The following BTBD18 variants were observed in gnomAD, a reference collection of about 807,000 sequenced individuals.
BTBD18 encodes BTB/POZ domain-containing protein 18.
For synonymous variants in BTBD18, 311 were observed against 324.4 expected (o/e 0.96, Z 0.44); for missense variants, 787 against 846.3 (o/e 0.93, Z 0.87).
At chr11:57,746,226 A>C in intron 2 of BTBD18, 78 bp from the exon 3 acceptor site, 3 of 1,098,056 alleles carry the variant, frequency 2.7e-6, no homozygotes, top group Non-Finnish European at 3.9e-6. Flanking sequence ...TACTACCCAA[A>C]TGTACTGCCC....
Position 57,745,406 on chromosome 11 carries a change from C to T in BTBD18, c.867G>A (p.Val289=). The T allele has an allele frequency of 6.4e-7, 1 of 1,551,706 alleles. No individual in the cohort carries two copies. The highest frequency in any genetic ancestry group is 1.2e-5 in the South Asian group (1 of 84,056). ...AAAGACGCCGGCCAGGGGTTGCAGG[C>T]ACTGAGCTAGATCCACTTAAAATGC... is the stretch of plus-strand genomic sequence containing the variant. The part of the protein sequence containing the change: ...PSSILSGSSS[V]PATPGRRLWR... Residue 289 remains valine (V), a synonymous_variant, in exon 3 of 3, where the codon GTG becomes GTA. Transcript: ENST00000422652.
Position 57,744,995 on chromosome 11 carries a change from T to C in BTBD18, c.1278A>G (p.Leu426=). Residue 426 remains leucine, a synonymous_variant, in exon 3 of 3, where the codon CTA becomes CTG. Transcript: ENST00000422652. ...GGCTAGCAGAGACCAGAATGTCTTG[T>C]AGCTTAGTGCACATGGGGGAGTCCT... ...LCQDSPMCTK[L]QDILVSASHS... The C allele has an allele frequency of 3.9e-6, 6 of 1,551,688 alleles. No individual in the cohort carries two copies. Among genetic ancestry groups the C allele is most frequent in the Non-Finnish European group, 5.2e-6 (6 of 1,146,978 alleles).
chr11:57,747,562 T>C (rs1323755568), intron 2 of BTBD18, among the ~76,000 whole-genome samples: 2 of 152,222 alleles, frequency 1.3e-5, no homozygotes, highest in African/African-American at 4.8e-5. Context: ...TGGCCCAGGC[T>C]GGAGTGCAAT....
In BTBD18 at chr11:57,745,058, A is replaced by G. The variant is rs773275050; in HGVS notation, c.1215T>C (p.Asn405=). The G allele has an allele frequency of 1.3e-6, 2 of 1,551,512 alleles. No homozygotes were observed. Among genetic ancestry groups the G allele is most frequent in the African/African-American group, 1.4e-5 (1 of 73,028 alleles). The change falls in exon 3 of 3, where the codon AAT becomes AAC. Residue 405 remains asparagine (N), a synonymous_variant. Transcript: ENST00000422652. ...EPSGTQPFSS[N]EQEMSPTRTE... is the part of the protein sequence containing the mutation. ...TTCTAGTAGGTGACATTTCCTGCTC[A>G]TTACTGGAGAATGGCTGAGTTCCTG...
chr11:57,748,882 C>A (rs1357138160), intron 2 of BTBD18, among the ~76,000 whole-genome samples: 2 of 152,178 alleles, frequency 1.3e-5, no homozygotes, highest in Non-Finnish European at 2.9e-5. Flanking sequence ...CTTTGTATGA[C>A]ACTTCAGACC....
At chr11:57,746,376 C>T (rs1949190796) in intron 2 of BTBD18, among the ~76,000 whole-genome samples, 1 of 146,252 alleles carries the variant, frequency 6.8e-6, no homozygotes, top group Non-Finnish European at 1.5e-5. Flanking sequence ...GTTGCCCAGG[C>T]TGGAGTGCAG....
intron 2 of BTBD18, among the ~76,000 whole-genome samples, chr11:57,748,031 G>A (rs978067261): frequency 6.6e-6 from 1 of 152,068 alleles, no homozygotes; most frequent in Non-Finnish European, 1.5e-5. Flanking sequence ...CAAACTCCTG[G>A]GCTAAAACAA....
Position 57,743,598 on chromosome 11 carries a change from A to G in BTBD18, c.*536T>C, listed in dbSNP as rs1316831979. On this transcript the variant is annotated 3_prime_UTR_variant, in exon 3 of 3. Coordinates refer to ENST00000422652, the MANE Select transcript of BTBD18 (RefSeq NM_001145101.3). ...ACTTTTTGGAAGTAATGATGGAAGT[A>G]CATCTTCTTGGCCCCTGCAGAGGTT... The G allele has an allele frequency of 6.6e-6, 1 of 152,376 alleles. No individual in the cohort carries two copies. The highest frequency in any genetic ancestry group is 2.4e-5 in the African/African-American group (1 of 41,476). 9.4% of individuals were successfully genotyped at this position (152,376 alleles called of 1,614,324 possible). A position where few individuals can be genotyped will look rare whatever the true frequency, so the allele number is the denominator to read the frequency against.
chr11:57,746,265 CAAGTAA>C (rs1205493482), intron 2 of BTBD18, 117 bp from the exon 3 acceptor site: 1 of 769,828 alleles, frequency 1.3e-6, no homozygotes, highest in Non-Finnish European at 2.0e-6. Context: ...CATGGGACTT[CAAGTAA>C]AAGAAAAAAA....
rs1007993258 is a variant in BTBD18 at position 57,745,344 on chromosome 11, T to C, written c.929A>G (p.Asp310Gly). Reference protein sequence around the residue: ...QRSVNKETPEDKPKPGRASPL... With the variant: ...QRSVNKETPEGKPKPGRASPL... ...ACTAGCTCTGCCTGGTTTTGGCTTG[T>C]CCTCTGGTGTTTCTTTATTTACACT... The change falls in exon 3 of 3, where the codon GAC (aspartate) becomes GGC (glycine). Residue 310 changes from aspartate (D) to glycine (G), a missense_variant. Coordinates refer to ENST00000422652, the MANE Select transcript of BTBD18 (RefSeq NM_001145101.3). The C allele has an allele frequency of 1.9e-6, 3 of 1,551,696 alleles. No individual in the cohort carries two copies. In the Admixed American group the frequency reaches 5.9e-5, roughly 30 times the overall value.
chr11:57,752,648 G>T (rs534200551), upstream of BTBD18, among the ~76,000 whole-genome samples: 3 of 152,342 alleles, frequency 2.0e-5, no homozygotes, highest in South Asian at 6.2e-4. Flanking sequence ...GACCCAACTT[G>T]AAATAGCTTT....
Position 57,746,028 on chromosome 11 carries a change from T to G in BTBD18, c.245A>C (p.Lys82Thr), listed in dbSNP as rs1949181255. Residue 82 changes from lysine (K) to threonine (T), a missense_variant, in exon 3 of 3, where the codon AAG becomes ACG. Lys to Thr is a moderately conservative substitution (Grantham distance 78, BLOSUM62 -1). Transcript: ENST00000422652. ...GKVVLELGGL[K>T]ISTLRKLVDF... ...CACCAGCTTCCTAAGTGTGCTGATC[T>G]TCAGGCCACCCAGCTCTAGCACCAC... 8 of 1,551,546 alleles carry G rather than the reference T, an allele frequency of 5.2e-6. No individual in the cohort carries two copies. Among genetic ancestry groups the G allele is most frequent in the Non-Finnish European group, 7.0e-6 (8 of 1,146,986 alleles).
upstream of BTBD18, among the ~76,000 whole-genome samples, chr11:57,752,817 C>T (rs573809891): frequency 6.6e-6 from 1 of 152,314 alleles, no homozygotes; most frequent in African/African-American, 2.4e-5. Context: ...GCAAGGGAAT[C>T]GGTGTTGGCG....
chr11:57,752,301 G>C (rs951216039), upstream of BTBD18, among the ~76,000 whole-genome samples: 2 of 152,164 alleles, frequency 1.3e-5, no homozygotes, highest in African/African-American at 4.8e-5. Flanking sequence ...TTGGGAGGCC[G>C]AGGCGGGTGG....
At position 57,745,547 on chromosome 11, in the gene BTBD18, A is replaced by G; in HGVS notation, c.726T>C (p.Pro242=). 6.4e-7 allele frequency: 1 copy of G among 1,550,436 alleles called. No homozygotes were observed. The part of the protein sequence containing the change: ...RENKNDTALD[P]TVLSPPSLYP... The stretch of plus-strand genomic sequence containing the variant: ...ACAAGCTGGGTGGGGAGAGCACTGT[A>G]GGATCAAGGGCAGTGTCATTCTTGT... The change falls in exon 3 of 3, where the codon CCT becomes CCC. Residue 242 remains proline (P), a synonymous_variant. Transcript: ENST00000422652.
Position 57,751,220 on chromosome 11 carries a change from T to A in BTBD18, c.-32A>T. ...AAGAGTCTTAACAAACCTTCTAGGT[T>A]TTCACAGATCAGACTCCTGTAGGTG... On this transcript the variant is annotated 5_prime_UTR_variant, in exon 2 of 3. Transcript: ENST00000422652. 1 of 1,508,600 alleles carries A rather than the reference T, an allele frequency of 6.6e-7. No individual in the cohort carries two copies. Among genetic ancestry groups the A allele is most frequent in the Non-Finnish European group, 8.9e-7 (1 of 1,128,018 alleles). 93.5% of individuals were successfully genotyped at this position (1,508,600 alleles called of 1,614,324 possible).
chr11:57,752,326 GGA>G (rs1342294378), upstream of BTBD18, among the ~76,000 whole-genome samples: 1 of 152,204 alleles, frequency 6.6e-6, no homozygotes, highest in African/African-American at 2.4e-5. Context: ...CCTGAGGTTA[GGA>G]GTTTGAGACC....
In BTBD18 at chr11:57,751,679, C is replaced by G. The variant is rs1949314470; in HGVS notation, c.-187G>C. On this transcript the variant is annotated 5_prime_UTR_variant, in exon 1 of 3. Coordinates refer to ENST00000422652, the MANE Select transcript of BTBD18 (RefSeq NM_001145101.3). ...TCAACCTTCCTCATTTCCATTACCA[C>G]TGAGACTCAACTGCTACAATGCTGA... 1 of 152,352 alleles carries G rather than the reference C, an allele frequency of 6.6e-6. No individual in the cohort carries two copies. 9.4% of individuals were successfully genotyped at this position (152,352 alleles called of 1,614,324 possible).
intron 2 of BTBD18, among the ~76,000 whole-genome samples, chr11:57,749,231 A>T (rs1339490611): frequency 6.6e-6 from 1 of 152,252 alleles, no homozygotes; most frequent in African/African-American, 2.4e-5. Flanking sequence ...TCTTCCCCTT[A>T]TAAGATTTCC....
Sources: gnomAD v4.1 joint callset for allele counts (sites outside exome capture counted in the v4.1 genomes callset) on GRCh38, gnomAD v4.1.1 for gene constraint, MANE v1.5 for transcripts, NCBI Gene and HGNC (gene_info 2026-07-23, HGNC 2026-07-21) for gene names.